IGFBP7: variants seen among roughly 807,000 people sequenced by gnomAD.
The protein encoded by IGFBP7 is insulin-like growth factor-binding protein 7.
IGFBP7 carries 31 observed loss-of-function variants against 29.4 expected under a neutral mutation model. That is an observed-to-expected ratio of 1.05 (90% CI 0.79 to 1.42). The LOEUF (loss-of-function observed/expected upper bound fraction) is 1.42. Ranked by LOEUF, IGFBP7 falls within the 40% of genes most tolerant of loss-of-function variation. IGFBP7 has a pLI of 0.00. For synonymous variants in IGFBP7, 172 were observed against 174.9 expected (o/e 0.98, Z 0.13); for missense variants, 393 against 395.5 (o/e 0.99, Z 0.05).
intron 1 of IGFBP7, among the ~76,000 whole-genome samples, chr4:57,098,370 G>C (rs1394414677): frequency 6.6e-6 from 1 of 152,218 alleles, no homozygotes; most frequent in Non-Finnish European, 1.5e-5. Context: ...CTGAATGGGT[G>C]AGAAGAAAGA....
intron 1 of IGFBP7, among the ~76,000 whole-genome samples, chr4:57,078,089 T>C (rs888547714): frequency 2.6e-5 from 4 of 151,876 alleles, no homozygotes. Context: ...GTTACTCTTT[T>C]CCCCCCTCAA....
At chr4:57,062,542 T>C (rs1724823562) in intron 1 of IGFBP7, among the ~76,000 whole-genome samples, 1 of 152,180 alleles carries the variant, frequency 6.6e-6, no homozygotes, top group Non-Finnish European at 1.5e-5. Flanking sequence ...TACTGAATTC[T>C]GGGTGGATGA....
At chr4:57,077,158 T>C (rs1241151448) in intron 1 of IGFBP7, among the ~76,000 whole-genome samples, 2 of 152,196 alleles carry the variant, frequency 1.3e-5, no homozygotes, top group Non-Finnish European at 2.9e-5. Context: ...TCTGCGTTTA[T>C]ATGAAAGAGA....
chr4:57,099,529 T>G (rs1725841128), intron 1 of IGFBP7, among the ~76,000 whole-genome samples: 1 of 152,196 alleles, frequency 6.6e-6, no homozygotes, highest in Admixed American at 6.5e-5. Flanking sequence ...AAGCAAATAC[T>G]TGAGCATGTT....
intron 1 of IGFBP7, among the ~76,000 whole-genome samples, chr4:57,083,426 T>C (rs1725420273): frequency 6.6e-6 from 1 of 152,266 alleles, no homozygotes; most frequent in Non-Finnish European, 1.5e-5. Context: ...TCTTCACATG[T>C]TTAATGGCCA....
At chr4:57,053,422 A>G (rs1430183722) in intron 1 of IGFBP7, among the ~76,000 whole-genome samples, 3 of 152,130 alleles carry the variant, frequency 2.0e-5, no homozygotes, top group African/African-American at 7.2e-5. Flanking sequence ...GTTCTTGCCC[A>G]TGGTGGTTCT....
chr4:57,046,830 A>ACTAC (rs1724372647), intron 1 of IGFBP7, among the ~76,000 whole-genome samples: 1 of 152,174 alleles, frequency 6.6e-6, no homozygotes, highest in South Asian at 2.1e-4. Flanking sequence ...CCCAAGGTGG[A>ACTAC]CTACCTACAT....
intron 1 of IGFBP7, among the ~76,000 whole-genome samples, chr4:57,082,234 T>G (rs1324220727): frequency 6.6e-6 from 1 of 152,178 alleles, no homozygotes; most frequent in African/African-American, 2.4e-5. Context: ...GGTGTGAGTT[T>G]CAGCCCAAGG....
chr4:57,068,436 C>T (rs1714022), intron 1 of IGFBP7, among the ~76,000 whole-genome samples: 83,393 of 151,950 alleles, frequency 0.55, 24,029 homozygotes, highest in Admixed American at 0.65. Context: ...GCGGGGGAAA[C>T]GGCAGCCAGT....
At chr4:57,058,882 G>A (rs6817232) in intron 1 of IGFBP7, among the ~76,000 whole-genome samples, 1 of 152,098 alleles carries the variant, frequency 6.6e-6, no homozygotes, top group Non-Finnish European at 1.5e-5. Context: ...CATCTGTAAG[G>A]AACTTAAACA....
chr4:57,106,830 C>T (rs893258233), intron 1 of IGFBP7, among the ~76,000 whole-genome samples: 3 of 152,172 alleles, frequency 2.0e-5, no homozygotes, highest in African/African-American at 7.2e-5. Flanking sequence ...TATATCTTAG[C>T]TTCTTTGTAT....
At chr4:57,063,398 T>G (rs1724843730) in intron 1 of IGFBP7, among the ~76,000 whole-genome samples, 1 of 152,218 alleles carries the variant, frequency 6.6e-6, no homozygotes, top group African/African-American at 2.4e-5. Context: ...TCTCTCTAGT[T>G]CTTTCCTGTG....
chr4:57,035,988 T>C (rs1015151550), intron 2 of IGFBP7, among the ~76,000 whole-genome samples: 6 of 152,240 alleles, frequency 3.9e-5, no homozygotes, highest in Admixed American at 3.9e-4. Context: ...CAATCACTAG[T>C]ATGTATGATA....
chr4:57,082,533 G>A (rs924642282), intron 1 of IGFBP7, among the ~76,000 whole-genome samples: 1 of 152,088 alleles, frequency 6.6e-6, no homozygotes, highest in African/African-American at 2.4e-5. Flanking sequence ...TTAGAAGAAG[G>A]AAAGAAAAGA....
At chr4:57,061,982 C>T (rs545982077) in intron 1 of IGFBP7, among the ~76,000 whole-genome samples, 1 of 152,178 alleles carries the variant, frequency 6.6e-6, no homozygotes, top group East Asian at 1.9e-4. Flanking sequence ...GTTTTTATAG[C>T]CATTACTTCA....
At chr4:57,048,341 A>G (rs1277301) in intron 1 of IGFBP7, among the ~76,000 whole-genome samples, 129,019 of 152,230 alleles carry the variant, frequency 0.85, 54,834 homozygotes, top group East Asian at 0.96. Flanking sequence ...GAGCAACAGC[A>G]CCCGGCCTCC....
chr4:57,078,725 C>T (rs1725290217), intron 1 of IGFBP7, among the ~76,000 whole-genome samples: 1 of 151,250 alleles, frequency 6.6e-6, no homozygotes. Flanking sequence ...TTCCTTTGAT[C>T]TTTGCTTTTT....
At position 57,068,322 on chromosome 4, in the gene IGFBP7, T is replaced by C. The variant is rs536988332; in HGVS notation, c.476-27389A>G. Among the ~76,000 whole-genome samples, 3 of 149,828 alleles carry C rather than the reference T, an allele frequency of 2.0e-5. No individual in the cohort carries two copies. In the South Asian group the frequency reaches 6.3e-4, roughly 31 times the overall value. Reference sequence around the variant, plus strand: ...AAAAAAGTGAGTTTAACAAAAAATATGTGAGCATTTGAAATGCTAACCTCC... The same window carrying C: ...AAAAAAGTGAGTTTAACAAAAAATACGTGAGCATTTGAAATGCTAACCTCC... On this transcript the variant is annotated intron_variant, in intron 1 of 4. Coordinates refer to ENST00000295666, the MANE Select transcript of IGFBP7 (RefSeq NM_001553.3).
chr4:57,051,135 C>T (rs918899673), intron 1 of IGFBP7, among the ~76,000 whole-genome samples: 6 of 152,006 alleles, frequency 3.9e-5, no homozygotes, highest in African/African-American at 9.7e-5. Context: ...AAGTACAAAA[C>T]GGGAAAAGAA....
Sources: allele counts gnomAD v4.1 joint callset (sites outside exome capture counted in the v4.1 genomes callset), GRCh38; gene constraint gnomAD v4.1.1; transcripts MANE v1.5; gene names NCBI Gene and HGNC (gene_info 2026-07-23, HGNC 2026-07-21).